Variants in LRRC4C observed in about 807,000 individuals in gnomAD.
The protein encoded by LRRC4C is leucine-rich repeat-containing protein 4C.
LRRC4C carries 5 observed loss-of-function variants against 33.6 expected under a neutral mutation model. The observed-to-expected ratio is 0.15, with a 90% CI of 0.08 to 0.31. LRRC4C has a LOEUF of 0.31. Ranked by LOEUF, LRRC4C falls within the 10% of genes least tolerant of loss-of-function variation. The pLI is 1.00. For missense variants in LRRC4C, 560 were observed against 796.7 expected, an observed-to-expected ratio of 0.70 and a Z score of 3.58; for synonymous variants, 329 against 302.0, an observed-to-expected ratio of 1.09 and a Z score of -0.93.
At chr11:41,137,053 GC>G (rs1401456473) in intron 1 of LRRC4C, among the ~76,000 whole-genome samples, 2 of 152,050 alleles carry the variant, frequency 1.3e-5, no homozygotes, top group African/African-American at 4.8e-5. Flanking sequence ...TTACAGACCA[GC>G]CTGGCCAACA....
chr11:40,199,717 T>C (rs1590688602), intron 5 of LRRC4C, among the ~76,000 whole-genome samples: 1 of 152,172 alleles, frequency 6.6e-6, no homozygotes, highest in Non-Finnish European at 1.5e-5. Context: ...TCTGATTATA[T>C]ATTTTTTTAA....
At chr11:40,588,268 G>T (rs1189433684) in intron 3 of LRRC4C, among the ~76,000 whole-genome samples, 1 of 151,430 alleles carries the variant, frequency 6.6e-6, no homozygotes, top group Non-Finnish European at 1.5e-5. Flanking sequence ...TTGCGTAGAG[G>T]TGTTTGTAGT....
chr11:41,457,270 C>A (rs1462140729), intron 1 of LRRC4C, among the ~76,000 whole-genome samples: 1 of 152,102 alleles, frequency 6.6e-6, no homozygotes, highest in Non-Finnish European at 1.5e-5. Flanking sequence ...AATTCCAGAA[C>A]GACATTTTTA....
chr11:40,125,113 A>T (rs1565018465), intron 6 of LRRC4C, among the ~76,000 whole-genome samples: 1 of 152,208 alleles, frequency 6.6e-6, no homozygotes, highest in Non-Finnish European at 1.5e-5. Context: ...AAAGATTGAT[A>T]GTACCATTCC....
At chr11:41,029,345 A>G (rs1856577247) in intron 1 of LRRC4C, among the ~76,000 whole-genome samples, 1 of 151,750 alleles carries the variant, frequency 6.6e-6, no homozygotes, top group South Asian at 2.1e-4. Context: ...CTCTAGTTTT[A>G]TGTCCTTTAA....
intron 5 of LRRC4C, among the ~76,000 whole-genome samples, chr11:40,141,325 A>C (rs1857351213): frequency 6.6e-6 from 1 of 152,194 alleles, no homozygotes; most frequent in Non-Finnish European, 1.5e-5. Context: ...CCACATCCCC[A>C]AACAAGAAAG....
chr11:41,021,231 G>T (rs1329147209), intron 1 of LRRC4C, among the ~76,000 whole-genome samples: 8 of 136,644 alleles, frequency 5.9e-5, no homozygotes, highest in African/African-American at 2.3e-4. Flanking sequence ...GTGTGTGTGT[G>T]TTTAAGAAAA....
intron 1 of LRRC4C, among the ~76,000 whole-genome samples, chr11:41,449,329 C>A (rs1363242447): frequency 7.9e-5 from 12 of 152,106 alleles, no homozygotes. Context: ...AGCAAGAAAC[C>A]AAGAAACTCT....
intron 1 of LRRC4C, among the ~76,000 whole-genome samples, chr11:40,939,291 T>C (rs1237492237): frequency 2.0e-5 from 3 of 152,190 alleles, no homozygotes; most frequent in East Asian, 1.9e-4. Flanking sequence ...CTGGTTTTAG[T>C]GCTCACATAA....
At chr11:40,839,525 C>T (rs924978455) in intron 2 of LRRC4C, among the ~76,000 whole-genome samples, 5 of 152,118 alleles carry the variant, frequency 3.3e-5, no homozygotes, top group African/African-American at 7.2e-5. Context: ...GGATTACAGG[C>T]GTGAGCCACC....
chr11:40,680,519 T>C (rs1412362889), intron 2 of LRRC4C, among the ~76,000 whole-genome samples: 2 of 152,256 alleles, frequency 1.3e-5, no homozygotes, highest in Non-Finnish European at 1.5e-5. Context: ...GATGATTGAA[T>C]CTTGGAGGCG....
intron 6 of LRRC4C, among the ~76,000 whole-genome samples, chr11:40,126,777 A>G (rs557746334): frequency 1.3e-5 from 2 of 152,104 alleles, no homozygotes; most frequent in Admixed American, 1.3e-4. Context: ...CCTGACCAAC[A>G]TGGAGGAACC....
intron 1 of LRRC4C, among the ~76,000 whole-genome samples, chr11:41,383,887 G>A (rs1953253011): frequency 6.6e-6 from 1 of 151,854 alleles, no homozygotes; most frequent in African/African-American, 2.4e-5. Flanking sequence ...GTAAAAAGAT[G>A]ATAAAAGAAA....
chr11:41,340,745 A>G (rs960578528), intron 1 of LRRC4C, among the ~76,000 whole-genome samples: 1 of 152,168 alleles, frequency 6.6e-6, no homozygotes, highest in South Asian at 2.1e-4. Flanking sequence ...TGGAGCTTAT[A>G]GCATTGTTGT....
intron 2 of LRRC4C, among the ~76,000 whole-genome samples, chr11:40,821,500 G>C (rs1951925859): frequency 6.6e-6 from 1 of 151,386 alleles, no homozygotes; most frequent in Non-Finnish European, 1.5e-5. Flanking sequence ...TACAGGTGTA[G>C]TCAATTAATT....
intron 1 of LRRC4C, among the ~76,000 whole-genome samples, chr11:41,455,191 T>G (rs1956139375): frequency 6.6e-6 from 1 of 152,146 alleles, no homozygotes; most frequent in Non-Finnish European, 1.5e-5. Flanking sequence ...GCTATTATTA[T>G]AAATGTATAT....
chr11:41,099,492 C>T (rs934695571), intron 1 of LRRC4C, among the ~76,000 whole-genome samples: 24 of 152,054 alleles, frequency 1.6e-4, no homozygotes, highest in Admixed American at 6.6e-5. Context: ...AGCTAATCCA[C>T]TATGATCAAG....
chr11:40,415,451 A>T (rs531081315), intron 3 of LRRC4C, among the ~76,000 whole-genome samples: 1 of 152,140 alleles, frequency 6.6e-6, no homozygotes, highest in East Asian at 1.9e-4. Context: ...TGCCCCATTC[A>T]TGTGTAGCAC....
intron 1 of LRRC4C, among the ~76,000 whole-genome samples, chr11:40,960,123 G>A (rs1275727139): frequency 6.6e-6 from 1 of 150,652 alleles, no homozygotes; most frequent in Admixed American, 6.7e-5. Flanking sequence ...AAAGAAAAAA[G>A]GAAGGAAGGA....
Sources: gnomAD v4.1 joint callset for allele counts (sites outside exome capture counted in the v4.1 genomes callset) on GRCh38, gnomAD v4.1.1 for gene constraint, MANE v1.5 for transcripts, NCBI Gene and HGNC (gene_info 2026-07-23, HGNC 2026-07-21) for gene names.